WWOX: variants seen among roughly 807,000 people sequenced by gnomAD.
WWOX encodes WW domain containing oxidoreductase, also known as WW domain-containing oxidoreductase.
In WWOX, 69 loss-of-function variants were observed where a neutral mutation model predicts 46.2. The observed-to-expected ratio is 1.49, with a 90% CI of 1.23 to 1.82. The LOEUF (loss-of-function observed/expected upper bound fraction) is 1.82. Among genes scored for constraint, WWOX ranks in the 40% most tolerant of loss-of-function variants. WWOX has a pLI of 0.00. For missense variants in WWOX, 919 were observed against 542.6 expected, an observed-to-expected ratio of 1.69 and a Z score of -6.89; for synonymous variants, 359 against 202.6, an observed-to-expected ratio of 1.77 and a Z score of -6.56.
chr16:79,111,255 G>A (rs991282408), intron 8 of WWOX, among the ~76,000 whole-genome samples: 1 of 152,142 alleles, frequency 6.6e-6, no homozygotes, highest in Non-Finnish European at 1.5e-5. Flanking sequence ...ACTGAGACCC[G>A]GGACACAGGT....
chr16:78,177,648 G>A (rs1038355582), intron 5 of WWOX, among the ~76,000 whole-genome samples: 2 of 152,190 alleles, frequency 1.3e-5, no homozygotes, highest in African/African-American at 4.8e-5. Context: ...CAGATCATTC[G>A]GGGCCTTGGA....
chr16:78,115,203 C>G lies in WWOX; in HGVS notation c.409+49C>G, dbSNP rs750952556. The G allele has an allele frequency of 4.4e-6, 7 of 1,604,158 alleles. No individual in the cohort carries two copies. In the African/African-American group the frequency reaches 9.4e-5, roughly 21 times the overall value. On this transcript the variant is annotated intron_variant, in intron 4 of 8. Transcript: ENST00000566780. ...ATCTTTGGGACTGCTATAATGAGATCCACTTAGATCTAGCTATAATGGAAT... is the reference window on the plus strand; with the variant it reads ...ATCTTTGGGACTGCTATAATGAGATGCACTTAGATCTAGCTATAATGGAAT...
chr16:78,112,342 A>G (rs949118724), intron 3 of WWOX, among the ~76,000 whole-genome samples: 1 of 152,024 alleles, frequency 6.6e-6, no homozygotes, highest in Non-Finnish European at 1.5e-5. Flanking sequence ...CACTGACACT[A>G]TTTTTCACCT....
At chr16:78,542,930 C>G (rs779987899) in intron 8 of WWOX, among the ~76,000 whole-genome samples, 8 of 152,094 alleles carry the variant, frequency 5.3e-5, no homozygotes, top group Non-Finnish European at 8.8e-5. Flanking sequence ...GTAGCCAGAA[C>G]CAATAGAAAA....
intron 8 of WWOX, among the ~76,000 whole-genome samples, chr16:78,774,612 C>G (rs2050145578): frequency 6.6e-6 from 1 of 152,014 alleles, no homozygotes; most frequent in East Asian, 1.9e-4. Flanking sequence ...AAGGTAGTTC[C>G]TGGCACATGG....
At chr16:79,167,055 G>A (rs187312897) in intron 8 of WWOX, among the ~76,000 whole-genome samples, 35 of 152,012 alleles carry the variant, frequency 2.3e-4, no homozygotes, top group East Asian at 5.8e-4. Context: ...ATTCTCATGC[G>A]TCAGCCTCCT....
intron 8 of WWOX, among the ~76,000 whole-genome samples, chr16:78,845,227 C>T (rs1295579511): frequency 2.0e-5 from 3 of 150,450 alleles, no homozygotes; most frequent in Admixed American, 6.6e-5. Context: ...AAAATACTGC[C>T]TATTAGTCTG....
intron 8 of WWOX, among the ~76,000 whole-genome samples, chr16:79,178,156 G>T (rs2050838687): frequency 6.6e-6 from 1 of 152,082 alleles, no homozygotes; most frequent in South Asian, 2.1e-4. Flanking sequence ...TTTTGAGGAT[G>T]CAAACCTTCA....
chr16:78,292,647 A>T (rs971218484), intron 5 of WWOX, among the ~76,000 whole-genome samples: 2 of 152,160 alleles, frequency 1.3e-5, no homozygotes, highest in African/African-American at 4.8e-5. Context: ...GAAGAAAAAT[A>T]AAGCTCTTCC....
chr16:78,311,378 C>G (rs1228444881), intron 5 of WWOX, among the ~76,000 whole-genome samples: 1 of 152,110 alleles, frequency 6.6e-6, no homozygotes, highest in Non-Finnish European at 1.5e-5. Flanking sequence ...CCACAAGGTC[C>G]GGAATGGAGG....
chr16:78,147,319 C>A (rs939053780), intron 4 of WWOX, among the ~76,000 whole-genome samples: 1 of 151,946 alleles, frequency 6.6e-6, no homozygotes, highest in African/African-American at 2.4e-5. Flanking sequence ...AATAAATGTC[C>A]GGTTTGGAGT....
chr16:78,803,872 C>T (rs145942924), intron 8 of WWOX, among the ~76,000 whole-genome samples: 201 of 152,268 alleles, frequency 1.3e-3, no homozygotes, highest in African/African-American at 4.5e-3. Context: ...TTGAGTACTG[C>T]TTCGTTTCTC....
rs75753467 is a variant in WWOX at position 78,615,767 on chromosome 16, T to C, written c.1056+183015T>C. Among the ~76,000 whole-genome samples, 14 of 152,150 alleles carry C rather than the reference T, an allele frequency of 9.2e-5. No homozygotes were observed. The East Asian group carries it at 2.7e-3, about 29-fold the overall frequency. On this transcript the variant is annotated intron_variant, in intron 8 of 8. Coordinates refer to ENST00000566780, the MANE Select transcript of WWOX (RefSeq NM_016373.4). ...TCAATAGGATAATTTTTTTTTTTTT[T>C]TGAGGCGGAGTCTCACTCTGTTGCC...
chr16:78,696,074 C>T (rs558677275), intron 8 of WWOX, among the ~76,000 whole-genome samples: 3 of 152,104 alleles, frequency 2.0e-5, no homozygotes, highest in African/African-American at 4.8e-5. Context: ...TTCTGATACA[C>T]GGTCAAGTTT....
chr16:78,329,083 A>T (rs1296396866), intron 5 of WWOX, among the ~76,000 whole-genome samples: 1 of 152,038 alleles, frequency 6.6e-6, no homozygotes, highest in African/African-American at 2.4e-5. Context: ...CTGGTCTTGG[A>T]TTCCTGATCT....
intron 8 of WWOX, among the ~76,000 whole-genome samples, chr16:78,566,147 T>A (rs977868574): frequency 4.0e-5 from 6 of 151,566 alleles, no homozygotes; most frequent in African/African-American, 1.5e-4. Flanking sequence ...GAGGAAGGGG[T>A]CTGGAACCTT....
intron 4 of WWOX, among the ~76,000 whole-genome samples, chr16:78,137,480 G>A (rs2033838847): frequency 6.6e-6 from 1 of 152,164 alleles, no homozygotes. Flanking sequence ...GACCGCTTGT[G>A]TTAGTCCATG....
chr16:78,508,561 T>G (rs2085275671), intron 8 of WWOX, among the ~76,000 whole-genome samples: 1 of 152,130 alleles, frequency 6.6e-6, no homozygotes. Flanking sequence ...GTCCCTATTC[T>G]TAGGTTTTAT....
intron 8 of WWOX, among the ~76,000 whole-genome samples, chr16:79,131,230 G>A (rs555259322): frequency 2.1e-4 from 32 of 152,220 alleles, no homozygotes; most frequent in African/African-American, 7.7e-4. Context: ...CCTTCCTCCA[G>A]GGCCATTTGT....
Sources: gnomAD v4.1 joint callset for allele counts (sites outside exome capture counted in the v4.1 genomes callset) on GRCh38, gnomAD v4.1.1 for gene constraint, MANE v1.5 for transcripts, NCBI Gene and HGNC (gene_info 2026-07-23, HGNC 2026-07-21) for gene names.